RNF122: variants seen among roughly 807,000 people sequenced by gnomAD.
RNF122 encodes the protein ring finger protein 122.
In RNF122, 17 loss-of-function variants were observed where a neutral mutation model predicts 24.2. That is an observed-to-expected ratio of 0.70 (90% CI 0.48 to 1.06). The LOEUF (loss-of-function observed/expected upper bound fraction) is 1.06, where lower values mean the gene tolerates loss of function less well. Among genes scored for constraint, RNF122 ranks in the 50% least tolerant of loss-of-function variants. RNF122 has a pLI of 0.00. For missense variants in RNF122, 168 were observed against 198.1 expected (o/e 0.85, Z 0.91); for synonymous variants, 65 against 71.8 (o/e 0.91, Z 0.48).
At chr8:33,562,541 AAAAAAAAAAGAAAAAG>A (rs1187955079) in intron 1 of RNF122, among the ~76,000 whole-genome samples, 7 of 150,934 alleles carry the variant, frequency 4.6e-5, no homozygotes, top group African/African-American at 1.7e-4. Context: ...CTTGTCTCAA[AAAAAAAAAAGAAAAAG>A]AAAAAAAAAA....
chr8:33,549,453 C>T lies in RNF122; in HGVS notation c.310G>A (p.Asp104Asn). Reference protein sequence around the residue: ...AVCLEDFKGKDELGVLPCQHA... With the variant: ...AVCLEDFKGKNELGVLPCQHA... ...TGGCACGGGAGCACGCCTAACTCAT[C>T]CTTCCCCTTGAAGTCTTCCAGACAG... Residue 104 changes from aspartate to asparagine, a missense_variant, in exon 5 of 6, where the codon GAT becomes AAT. Transcript: ENST00000256257. 6 of 1,614,156 alleles carry T rather than the reference C, an allele frequency of 3.7e-6. No homozygotes were observed. Among genetic ancestry groups the T allele is most frequent in the Non-Finnish European group, 5.1e-6 (6 of 1,180,016 alleles).
At chr8:33,566,529 T>C (rs979958426) in intron 1 of RNF122, among the ~76,000 whole-genome samples, 170 bp downstream of exon 1, 1 of 152,146 alleles carries the variant, frequency 6.6e-6, no homozygotes, top group African/African-American at 2.4e-5. Flanking sequence ...TAGTTTCAAA[T>C]TCCGCGCTGT....
At chr8:33,560,273 T>C (rs571387306) in intron 1 of RNF122, among the ~76,000 whole-genome samples, 2 of 152,300 alleles carry the variant, frequency 1.3e-5, no homozygotes, top group South Asian at 2.1e-4. Flanking sequence ...CTCATCATGA[T>C]AGTCACCTCT....
chr8:33,551,911 TTTC>T (rs1435918015), intron 2 of RNF122, among the ~76,000 whole-genome samples: 39 of 152,306 alleles, frequency 2.6e-4, no homozygotes, highest in African/African-American at 9.1e-4. Flanking sequence ...CCTCCTTTGT[TTTC>T]TTCTTTTCAT....
rs916682134 is a variant in RNF122, at chr8:33,566,797, A to C, written c.-74T>G. 6.6e-6 allele frequency: 10 copies of C among 1,506,776 alleles called. No individual in the cohort carries two copies. In the East Asian group the frequency reaches 1.9e-4, roughly 29 times the overall value. 93.3% of individuals were successfully genotyped at this position (1,506,776 alleles called of 1,614,324 possible). A position where few individuals can be genotyped will look rare whatever the true frequency, so the allele number is the denominator to read the frequency against. ...GCCAGGAGGGCGGGGTGGGAGCACT[A>C]GCGGCGTGAGGGGCCGCAGGCGGGG... is the stretch of plus-strand genomic sequence containing the variant. On this transcript the variant is annotated 5_prime_UTR_variant, in exon 1 of 6. Coordinates refer to ENST00000256257, the MANE Select transcript of RNF122 (RefSeq NM_024787.3).
At chr8:33,552,044 T>G (rs770583000) in intron 2 of RNF122, among the ~76,000 whole-genome samples, 2 of 152,242 alleles carry the variant, frequency 1.3e-5, no homozygotes, top group African/African-American at 4.8e-5. Context: ...GCTGGGACAC[T>G]TAACATATTC....
intron 5 of RNF122, among the ~76,000 whole-genome samples, 192 bp downstream of exon 5, chr8:33,549,218 A>G (rs1412669935): frequency 1.3e-5 from 2 of 151,540 alleles, no homozygotes; most frequent in Non-Finnish European, 2.9e-5. Context: ...CAAAACTCCA[A>G]CTCAAAAAAA....
In RNF122 at chr8:33,558,770, C is replaced by A; in HGVS notation, c.27G>T (p.Gly9=). The change falls in exon 2 of 6, where the codon GGG becomes GGT. Residue 9 remains glycine, a splice_region_variant and synonymous_variant. Coordinates refer to ENST00000256257, the MANE Select transcript of RNF122 (RefSeq NM_024787.3). ...TAACCAGTCCCAGGCCACAGAAACA[C>A]CCTGCAAAGGGAGAGAAAAAAAAAT... MHPFQWCN[G]CFCGLGLVST... 1 of 1,553,462 alleles carries A rather than the reference C, an allele frequency of 6.4e-7. No individual in the cohort carries two copies. Among genetic ancestry groups the A allele is most frequent in the Non-Finnish European group, 8.7e-7 (1 of 1,150,542 alleles).
chr8:33,562,815 C>T (rs910932839), intron 1 of RNF122, among the ~76,000 whole-genome samples: 2 of 151,934 alleles, frequency 1.3e-5, no homozygotes, highest in Admixed American at 6.6e-5. Flanking sequence ...CCCAGCTACT[C>T]GGGAGGCTGA....
At chr8:33,552,874 C>A (rs754556000) in intron 2 of RNF122, among the ~76,000 whole-genome samples, 21 of 151,996 alleles carry the variant, frequency 1.4e-4, no homozygotes, top group Non-Finnish European at 2.6e-4. Flanking sequence ...GCCTGGGCAA[C>A]ATGGCAGAAC....
At chr8:33,559,337 T>C (rs1362724329) in intron 1 of RNF122, among the ~76,000 whole-genome samples, 1 of 151,850 alleles carries the variant, frequency 6.6e-6, no homozygotes, top group African/African-American at 2.4e-5. Context: ...AAAAAGAATT[T>C]AGGCAATGGG....
intron 1 of RNF122, among the ~76,000 whole-genome samples, chr8:33,566,461 CG>C (rs889438892): frequency 6.6e-6 from 1 of 152,230 alleles, no homozygotes; most frequent in Non-Finnish European, 1.5e-5. Context: ...TCGGCTCCCA[CG>C]CCCCCGGCCC....
rs1386025785 is a variant in RNF122 at position 33,548,477 on chromosome 8, A to G, written c.*276T>C. 1 of 324,702 alleles carries G rather than the reference A, an allele frequency of 3.1e-6. No homozygotes were observed. Among genetic ancestry groups the G allele is most frequent in the Non-Finnish European group, 5.7e-6 (1 of 173,972 alleles). 20.1% of individuals were successfully genotyped at this position (324,702 alleles called of 1,614,324 possible). ...GGACACCTTCCCCCAGAACAGGGAC[A>G]AGGCAGGTAGATAGTCCAGTACCAG... On this transcript the variant is annotated 3_prime_UTR_variant, in exon 6 of 6. Coordinates refer to ENST00000256257, the MANE Select transcript of RNF122 (RefSeq NM_024787.3).
Position 33,566,843 on chromosome 8 carries a change from C to T in RNF122, c.-120G>A. ...CGGGGTCGGGGCAGCGCGCTGCAGC[C>T]GCCCTGCTGGAGAAGCCGAACTCCC... On this transcript the variant is annotated 5_prime_UTR_variant, in exon 1 of 6. Coordinates refer to ENST00000256257, the MANE Select transcript of RNF122 (RefSeq NM_024787.3). The T allele has an allele frequency of 8.4e-7, 1 of 1,183,528 alleles. No homozygotes were observed. The highest frequency in any genetic ancestry group is 1.2e-6 in the Non-Finnish European group (1 of 817,796). The allele number at this position is 1,183,528 out of a possible 1,614,324, so 73.3% of individuals were successfully genotyped here.
Position 33,566,983 on chromosome 8 carries a change from C to G in RNF122, c.-260G>C. On this transcript the variant is annotated 5_prime_UTR_variant, in exon 1 of 6. Transcript: ENST00000256257. ...CACGGAGCGCACGCGCCAAGGGCCC[C>G]GGGCTGGGGGAATGTGGGGCGCCGC... 1 of 499,364 alleles carries G rather than the reference C, an allele frequency of 2.0e-6. No homozygotes were observed. Among genetic ancestry groups the G allele is most frequent in the Non-Finnish European group, 3.6e-6 (1 of 277,700 alleles). 30.9% of individuals were successfully genotyped at this position (499,364 alleles called of 1,614,324 possible).
rs1810613307 is a variant in RNF122, at chr8:33,565,781, G to A, written c.25+918C>T. ...AATCTGGCCTTGTGGCCAGAAACAC[G>A]GCTCCCGCCAGGCCAGCCTCGCACC... On this transcript the variant is annotated intron_variant, in intron 1 of 5. Transcript: ENST00000256257. Among the ~76,000 whole-genome samples the A allele has an allele frequency of 2.6e-5, 4 of 152,196 alleles. No homozygotes were observed. The South Asian group carries it at 8.3e-4, about 31-fold the overall frequency.
chr8:33,549,413 C>A lies in RNF122; in HGVS notation c.350G>T (p.Arg117Leu), dbSNP rs755948110. Residue 117 changes from arginine (R) to leucine (L), a missense_variant, in exon 5 of 6, where the codon CGC becomes CTC. Physicochemically the swap from Arg to Leu is moderately radical, Grantham distance 102. Transcript: ENST00000256257. ...GVLPCQHAFH[R>L]KCLVKWLEVR... is the part of the protein sequence containing the mutation. ...CCCTGGACACATTCCCACGTACTTG[C>A]GGTGAAAGGCGTGTTGGCACGGGAG... 2.5e-6 allele frequency: 4 copies of A among 1,613,046 alleles called. No homozygotes were observed. The highest frequency in any genetic ancestry group is 2.7e-5 in the African/African-American group (2 of 74,880).
intron 1 of RNF122, among the ~76,000 whole-genome samples, chr8:33,561,531 C>T (rs1810540079): frequency 6.6e-6 from 1 of 151,964 alleles, no homozygotes; most frequent in African/African-American, 2.4e-5. Context: ...ACACATCCTC[C>T]TAGTTGCCTT....
At chr8:33,549,221 C>CAAAAAAAAAAAAAAAAAAAA (rs377477701) in intron 5 of RNF122, among the ~76,000 whole-genome samples, 189 bp downstream of exon 5, 1 of 141,720 alleles carries the variant, frequency 7.1e-6, no homozygotes, top group African/African-American at 2.8e-5. Context: ...AACTCCAACT[C>CAAAAAAAAAAAAAAAAAAAA]AAAAAAAAAA....
Sources: gnomAD v4.1 joint callset for allele counts (sites outside exome capture counted in the v4.1 genomes callset) on GRCh38, gnomAD v4.1.1 for gene constraint, MANE v1.5 for transcripts, NCBI Gene and HGNC (gene_info 2026-07-23, HGNC 2026-07-21) for gene names.